IL1R1: variants seen among roughly 807,000 people sequenced by gnomAD.
The protein encoded by IL1R1 is interleukin 1 receptor type 1.
A neutral mutation model predicts 50.2 loss-of-function variants in IL1R1; 22 were observed. That is an observed-to-expected ratio of 0.44 (90% CI 0.31 to 0.63). The LOEUF (loss-of-function observed/expected upper bound fraction) is 0.63, where lower values mean the gene tolerates loss of function less well. Ranked by LOEUF, IL1R1 falls within the 20% of genes least tolerant of loss-of-function variation. The pLI, the probability that IL1R1 is intolerant of heterozygous loss-of-function variation, is 0.07. For missense variants in IL1R1, 509 were observed against 676.2 expected (o/e 0.75, Z 2.74); for synonymous variants, 251 against 236.7 (o/e 1.06, Z -0.55).
At chr2:102,081,044 C>T (rs1679184643) in intron 1 of IL1R1, among the ~76,000 whole-genome samples, 1 of 151,978 alleles carries the variant, frequency 6.6e-6, no homozygotes, top group African/African-American at 2.4e-5. Context: ...TATAGATTGC[C>T]AGGGGCTAGA....
chr2:102,158,169 C>A (rs1183861608), intron 3 of IL1R1, among the ~76,000 whole-genome samples: 1 of 152,210 alleles, frequency 6.6e-6, no homozygotes, highest in African/African-American at 2.4e-5. Context: ...GAACCCACAG[C>A]TGGAAGTCAT....
rs1397541276 is a variant in IL1R1, at chr2:102,178,385, A to C, written c.*1626A>C. ...CAATTTGCACATGTAACATAGATTT[A>C]TGTAATGCTTTATGTTTAAAAACAT... On this transcript the variant is annotated 3_prime_UTR_variant, in exon 12 of 12. Transcript: ENST00000410023. The C allele has an allele frequency of 6.6e-6, 1 of 152,302 alleles. No individual in the cohort carries two copies. Among genetic ancestry groups the C allele is most frequent in the African/African-American group, 2.4e-5 (1 of 41,442 alleles). 9.4% of individuals were successfully genotyped at this position (152,302 alleles called of 1,614,324 possible).
At chr2:102,116,093 A>G (rs1210509243) in intron 1 of IL1R1, among the ~76,000 whole-genome samples, 1 of 152,238 alleles carries the variant, frequency 6.6e-6, no homozygotes, top group East Asian at 1.9e-4. Flanking sequence ...GCATAGTTGC[A>G]GTATCTTCAA....
chr2:102,156,651 A>G (rs1684222328), intron 2 of IL1R1, among the ~76,000 whole-genome samples: 1 of 151,936 alleles, frequency 6.6e-6, no homozygotes, highest in African/African-American at 2.4e-5. Context: ...GGCTGGGATT[A>G]CAGGCATGCA....
chr2:102,111,054 G>A (rs370902485), intron 1 of IL1R1, among the ~76,000 whole-genome samples: 10 of 152,142 alleles, frequency 6.6e-5, no homozygotes, highest in Admixed American at 3.9e-4. Context: ...GCAGCTCTAT[G>A]TATGGCCAAT....
chr2:102,071,895 C>G (rs2104262197), intron 1 of IL1R1, among the ~76,000 whole-genome samples: 1 of 152,268 alleles, frequency 6.6e-6, no homozygotes, highest in East Asian at 1.9e-4. Context: ...AGCACCTGGA[C>G]TATACATCCT....
At chr2:102,158,382 A>T (rs1684397606) in intron 3 of IL1R1, among the ~76,000 whole-genome samples, 1 of 152,174 alleles carries the variant, frequency 6.6e-6, no homozygotes, top group Non-Finnish European at 1.5e-5. Context: ...AAGTATAGGG[A>T]GGAAAAAAGA....
chr2:102,136,766 G>A (rs1682368242), intron 1 of IL1R1, among the ~76,000 whole-genome samples: 1 of 152,152 alleles, frequency 6.6e-6, no homozygotes, highest in African/African-American at 2.4e-5. Context: ...AGGAATGGTT[G>A]GGTGTGAATG....
chr2:102,176,759 G>A lies in IL1R1; in HGVS notation c.1710G>A (p.Ter570=), dbSNP rs1686176164. The change falls in exon 12 of 12, where the codon TAG becomes TAA. Residue 570 remains the stop codon, a stop_retained_variant. Transcript: ENST00000410023. Reference sequence around the variant, plus strand: ...GAGAGGCTCACGTGCCTCTCGGGTAGCATGGAGAAGTTGCCAAGAGTTCTT... The same window carrying A: ...GAGAGGCTCACGTGCCTCTCGGGTAACATGGAGAAGTTGCCAAGAGTTCTT... ...LQREAHVPLG[*] is the part of the protein sequence containing the mutation. 1 of 1,611,990 alleles carries A rather than the reference G, an allele frequency of 6.2e-7. No individual in the cohort carries two copies. Among genetic ancestry groups the A allele is most frequent in the East Asian group, 2.2e-5 (1 of 44,828 alleles).
chr2:102,141,601 C>T (rs1400835937), upstream of IL1R1, among the ~76,000 whole-genome samples: 1 of 152,146 alleles, frequency 6.6e-6, no homozygotes, highest in Non-Finnish European at 1.5e-5. Context: ...TTTCCTCCAG[C>T]CTGGATTTGT....
chr2:102,136,884 T>C (rs953436484), intron 1 of IL1R1, among the ~76,000 whole-genome samples: 1 of 152,230 alleles, frequency 6.6e-6, no homozygotes, highest in African/African-American at 2.4e-5. Flanking sequence ...CTCTTCCAAG[T>C]ATCTTTACTA....
intron 1 of IL1R1, among the ~76,000 whole-genome samples, chr2:102,150,529 G>C (rs950482271): frequency 1.3e-5 from 2 of 152,234 alleles, no homozygotes; most frequent in Admixed American, 6.5e-5. Context: ...AACTTTGTGT[G>C]TGTGTTGCAC....
chr2:102,142,643 AC>A (rs1682744135), upstream of IL1R1: 3 of 151,164 alleles, frequency 2.0e-5, no homozygotes, highest in Admixed American at 2.0e-4. Context: ...GAGTTGGGAC[AC>A]CCGGCCAGCT....
chr2:102,072,636 A>T (rs1160036592), intron 1 of IL1R1, among the ~76,000 whole-genome samples: 1 of 151,538 alleles, frequency 6.6e-6, no homozygotes, highest in Non-Finnish European at 1.5e-5. Flanking sequence ...TGGACTGTTT[A>T]TTCATGTCTT....
chr2:102,077,014 G>A (rs1678997191), intron 1 of IL1R1, among the ~76,000 whole-genome samples: 1 of 151,642 alleles, frequency 6.6e-6, no homozygotes, highest in South Asian at 2.1e-4. Flanking sequence ...GCTTAATTTT[G>A]GGTAGTTTCT....
At chr2:102,157,594 G>A (rs2287047) in intron 2 of IL1R1, 125 bp from the exon 3 acceptor site, 227,143 of 680,202 alleles carry the variant, frequency 0.33, 41,139 homozygotes, top group African/African-American at 0.59. Flanking sequence ...AGAAAAACCA[G>A]TTCATCAGTG....
chr2:102,072,223 G>A (rs1678758064), intron 1 of IL1R1, among the ~76,000 whole-genome samples: 1 of 149,858 alleles, frequency 6.7e-6, no homozygotes, highest in Non-Finnish European at 1.5e-5. Context: ...TTGTGCCATT[G>A]CACTCCAGCC....
chr2:102,167,714 C>T (rs1685321012), intron 6 of IL1R1, among the ~76,000 whole-genome samples: 1 of 152,052 alleles, frequency 6.6e-6, no homozygotes, highest in Non-Finnish European at 1.5e-5. Context: ...TCCTTAAGTG[C>T]TGGGATTACA....
chr2:102,154,615 G>A (rs1684000369), intron 2 of IL1R1, among the ~76,000 whole-genome samples: 1 of 152,092 alleles, frequency 6.6e-6, no homozygotes, highest in Admixed American at 6.6e-5. Flanking sequence ...TGTCACTGCA[G>A]CTGGCCCAGC....
Sources: allele counts gnomAD v4.1 joint callset (sites outside exome capture counted in the v4.1 genomes callset), GRCh38; gene constraint gnomAD v4.1.1; transcripts MANE v1.5; gene names NCBI Gene and HGNC (gene_info 2026-07-23, HGNC 2026-07-21).